The following FOXN3 variants were observed in gnomAD, a reference collection of about 807,000 sequenced individuals.
The protein encoded by FOXN3 is forkhead box protein N3.
FOXN3 carries 7 observed loss-of-function variants against 38.4 expected under a neutral mutation model. That is an observed-to-expected ratio of 0.18 (90% CI 0.10 to 0.34). The LOEUF is 0.34. Ranked by LOEUF, FOXN3 falls within the 10% of genes least tolerant of loss-of-function variation. FOXN3 has a pLI of 1.00. For synonymous variants in FOXN3, 230 were observed against 242.2 expected, an observed-to-expected ratio of 0.95 and a Z score of 0.47; for missense variants, 456 against 613.4, an observed-to-expected ratio of 0.74 and a Z score of 2.71.
At chr14:89,325,289 C>CCACCAACACCAACACCAACACCACCAA (rs796102165) in intron 3 of FOXN3, among the ~76,000 whole-genome samples, 2 of 128,656 alleles carry the variant, frequency 1.6e-5, no homozygotes, top group Non-Finnish European at 3.4e-5. Flanking sequence ...AACACCAACA[C>CCACCAACACCAACACCAACACCACCAA]CACCAACACC....
chr14:89,314,080 C>G (rs1445177427), intron 3 of FOXN3, among the ~76,000 whole-genome samples: 1 of 152,046 alleles, frequency 6.6e-6, no homozygotes, highest in Non-Finnish European at 1.5e-5. Flanking sequence ...CTGAACTATA[C>G]TTAAAAGTGA....
At chr14:89,380,663 C>T (rs984679358) in intron 2 of FOXN3, among the ~76,000 whole-genome samples, 1 of 152,354 alleles carries the variant, frequency 6.6e-6, no homozygotes, top group African/African-American at 2.4e-5. Flanking sequence ...GCTGAGGCCA[C>T]GCACCAGGGT....
At chr14:89,424,775 C>G (rs1891988005) in intron 1 of FOXN3, among the ~76,000 whole-genome samples, 1 of 151,442 alleles carries the variant, frequency 6.6e-6, no homozygotes, top group Admixed American at 6.6e-5. Context: ...GTCCCAGCTA[C>G]TCAGGAGGCT....
rs1887025915 is a variant in FOXN3 at position 89,158,399 on chromosome 14, CAAAAG to C, written c.*4010_*4014del. The C allele has an allele frequency of 6.6e-6, 1 of 152,510 alleles. No individual in the cohort carries two copies. Among genetic ancestry groups the C allele is most frequent in the Non-Finnish European group, 1.5e-5 (1 of 68,054 alleles). 9.4% of individuals were successfully genotyped at this position (152,510 alleles called of 1,614,324 possible). ...AGACACATTGAATGCCTCTGCAAAA[CAAAAG>C]AAAACTCTGTTCTTGGGAATCGGCC... On this transcript the variant is annotated 3_prime_UTR_variant, in exon 6 of 6. Coordinates refer to ENST00000557258, the MANE Select transcript of FOXN3 (RefSeq NM_005197.4).
At chr14:89,614,649 TAC>T (rs1896457598) in intron 1 of FOXN3, among the ~76,000 whole-genome samples, 1 of 152,250 alleles carries the variant, frequency 6.6e-6, no homozygotes, top group Non-Finnish European at 1.5e-5. Flanking sequence ...GCAAACTGTG[TAC>T]ACAGTGGTAC....
At chr14:89,358,547 C>A (rs1388586675) in intron 2 of FOXN3, among the ~76,000 whole-genome samples, 1 of 152,216 alleles carries the variant, frequency 6.6e-6, no homozygotes, top group Non-Finnish European at 1.5e-5. Flanking sequence ...GGCATACATG[C>A]AGCTCACTCC....
rs80032115 is a variant in FOXN3, at chr14:89,290,617, C to T, written c.681-9603G>A. The T allele has an allele frequency of 3.4e-4, 176 of 518,746 alleles. 2 individuals carry two copies. In the East Asian group the frequency reaches 9.2e-3, roughly 27 times the overall value. The allele number at this position is 518,746 out of a possible 1,614,324, so 32.1% of individuals were successfully genotyped here. A position where few individuals can be genotyped will look rare whatever the true frequency, so the allele number is the denominator to read the frequency against. ...TCATTCCTGTCTTCTTGGTACTCTG[C>T]TCTCCATTTACTTCCTTCCAACTTG... On this transcript the variant is annotated intron_variant, in intron 3 of 5. Coordinates refer to ENST00000557258, the MANE Select transcript of FOXN3 (RefSeq NM_005197.4).
intron 2 of FOXN3, among the ~76,000 whole-genome samples, chr14:89,373,498 T>C (rs1890384054): frequency 6.6e-6 from 1 of 150,974 alleles, no homozygotes; most frequent in South Asian, 2.1e-4. Context: ...AATGATGAGA[T>C]CCAGGTAACA....
chr14:89,520,017 C>CTTTTTTTTTTTTTTTTTT (rs56854196), intron 1 of FOXN3, among the ~76,000 whole-genome samples: 14 of 132,446 alleles, frequency 1.1e-4, no homozygotes, highest in African/African-American at 3.8e-4. Context: ...TTCTTTTTTT[C>CTTTTTTTTTTTTTTTTTT]TTTTTTTTTT....
intron 1 of FOXN3, among the ~76,000 whole-genome samples, chr14:89,578,339 T>C (rs1043491748): frequency 6.6e-6 from 1 of 152,190 alleles, no homozygotes; most frequent in African/African-American, 2.4e-5. Flanking sequence ...GATCTTGACA[T>C]TTTAGTGCTC....
At position 89,191,908 on chromosome 14, in the gene FOXN3, G is replaced by A. The variant is rs553190841; in HGVS notation, c.746-11102C>T. ...ATTAACTTATTTGGCAACCCTAGGG[G>A]TGAAATTCCTAAAACAGTCACCATT... On this transcript the variant is annotated intron_variant, in intron 4 of 5. Transcript: ENST00000557258. Among the ~76,000 whole-genome samples the A allele has an allele frequency of 2.0e-5, 3 of 147,742 alleles. No homozygotes were observed. The South Asian group carries it at 6.3e-4, about 31-fold the overall frequency.
intron 1 of FOXN3, among the ~76,000 whole-genome samples, chr14:89,574,272 G>A (rs77498335): frequency 6.6e-6 from 1 of 152,290 alleles, no homozygotes; most frequent in African/African-American, 2.4e-5. Context: ...AAGGGTTCTA[G>A]AAAAGTGGAT....
At chr14:89,357,344 C>T (rs1345310101) in intron 2 of FOXN3, among the ~76,000 whole-genome samples, 9 of 152,270 alleles carry the variant, frequency 5.9e-5, no homozygotes, top group East Asian at 1.9e-4. Flanking sequence ...TGGTGGCTCA[C>T]GCCTGTAATC....
chr14:89,288,670 TTC>T (rs1202531466), intron 3 of FOXN3, among the ~76,000 whole-genome samples: 23 of 54,130 alleles, frequency 4.2e-4, no homozygotes, highest in Admixed American at 5.1e-4. Flanking sequence ...GGCACTCTCT[TTC>T]TCTCTCTCTC....
chr14:89,325,268 TCACCAA>T (rs1477892805), intron 3 of FOXN3, among the ~76,000 whole-genome samples: 1,087 of 59,624 alleles, frequency 0.018, 14 homozygotes, highest in African/African-American at 0.04. Context: ...ACCACCACCA[TCACCAA>T]CACCAACACC....
chr14:89,211,917 AG>A lies in FOXN3; in HGVS notation c.746-31112del, dbSNP rs1008259955. Among the ~76,000 whole-genome samples the A allele has an allele frequency of 3.9e-5, 6 of 152,330 alleles. 1 individual carries two copies. Among genetic ancestry groups the A allele is most frequent in the Admixed American group, 1.3e-4 (2 of 15,308 alleles). ...CTCCAATTTGATGGTATTTGAAGAT[AG>A]GGCCCTTTGGGAGGTGATAGAGTTA... On this transcript the variant is annotated intron_variant, in intron 4 of 5. Transcript: ENST00000557258.
chr14:89,244,771 G>A (rs1487004773), intron 4 of FOXN3, among the ~76,000 whole-genome samples: 1 of 152,210 alleles, frequency 6.6e-6, no homozygotes, highest in Non-Finnish European at 1.5e-5. Flanking sequence ...ACAAAACAGT[G>A]TCAGTTTCTG....
chr14:89,493,112 T>C (rs979035382), intron 1 of FOXN3, among the ~76,000 whole-genome samples: 4 of 152,240 alleles, frequency 2.6e-5, no homozygotes, highest in African/African-American at 4.8e-5. Flanking sequence ...AAAGTCCACC[T>C]ATGGTCGGAA....
At position 89,162,130 on chromosome 14, in the gene FOXN3, C is replaced by T. The variant is rs188906675; in HGVS notation, c.*284G>A. ...CTGGAGGAAGCAATGGTAATTTTGG[C>T]TTTTTCGGTTTTGTCTTCAGATAAT... On this transcript the variant is annotated 3_prime_UTR_variant, in exon 6 of 6. Coordinates refer to ENST00000557258, the MANE Select transcript of FOXN3 (RefSeq NM_005197.4). This position sits in a 1 kb window ranked among gnomAD's most constrained non-coding sequence, Gnocchi z 7.2. 1.5e-5 allele frequency: 4 copies of T among 264,652 alleles called. No homozygotes were observed. The highest frequency in any genetic ancestry group is 2.8e-5 in the Non-Finnish European group (4 of 141,978). 16.4% of individuals were successfully genotyped at this position (264,652 alleles called of 1,614,324 possible). A position where few individuals can be genotyped will look rare whatever the true frequency, so the allele number is the denominator to read the frequency against.
Sources: allele counts gnomAD v4.1 joint callset (sites outside exome capture counted in the v4.1 genomes callset), GRCh38; gene constraint gnomAD v4.1.1; non-coding constraint Gnocchi (gnomAD v3.1); transcripts MANE v1.5; gene names NCBI Gene and HGNC (gene_info 2026-07-23, HGNC 2026-07-21).